Variants in AQR observed in about 807,000 individuals in gnomAD.
The protein encoded by AQR is aquarius intron-binding spliceosomal factor, also known as RNA helicase aquarius.
A neutral mutation model predicts 180.5 loss-of-function variants in AQR; 61 were observed. The observed-to-expected ratio is 0.34, with a 90% CI of 0.28 to 0.42. AQR has a LOEUF of 0.42. Among genes scored for constraint, AQR ranks in the 10% least tolerant of loss-of-function variants. The pLI, the probability that AQR is intolerant of heterozygous loss-of-function variation, is 1.00. For synonymous variants in AQR, 551 were observed against 588.8 expected (o/e 0.94, Z 0.93); for missense variants, 1,281 against 1,798.3 (o/e 0.71, Z 5.20).
intron 7 of AQR, among the ~76,000 whole-genome samples, chr15:34,941,703 C>CT (rs1894025250): frequency 6.6e-6 from 1 of 151,988 alleles, no homozygotes; most frequent in Non-Finnish European, 1.5e-5. Flanking sequence ...TATATATACT[C>CT]TAATCAAGGA....
chr15:34,912,986 A>G (rs1023274661), intron 16 of AQR, among the ~76,000 whole-genome samples: 4 of 152,208 alleles, frequency 2.6e-5, no homozygotes, highest in Non-Finnish European at 2.9e-5. Flanking sequence ...CTTAGTGGCT[A>G]AACCCTTGTG....
chr15:34,909,393 T>C (rs1893465464), intron 17 of AQR, among the ~76,000 whole-genome samples: 1 of 152,196 alleles, frequency 6.6e-6, no homozygotes, highest in Non-Finnish European at 1.5e-5. Context: ...TTAGTAATTT[T>C]GAACATATCT....
chr15:34,961,753 CTT>C (rs945592419), intron 2 of AQR, among the ~76,000 whole-genome samples: 12 of 150,476 alleles, frequency 8.0e-5, no homozygotes, highest in African/African-American at 2.7e-4. Context: ...GGCTGGAACT[CTT>C]AGGCAAGTGC....
chr15:34,918,811 T>C (rs1893638248), intron 14 of AQR, among the ~76,000 whole-genome samples: 1 of 152,212 alleles, frequency 6.6e-6, no homozygotes, highest in African/African-American at 2.4e-5. Flanking sequence ...TGGACTATAG[T>C]TTTCATTCTT....
chr15:34,955,938 CAA>C (rs1351909861), intron 3 of AQR, among the ~76,000 whole-genome samples: 1 of 149,860 alleles, frequency 6.7e-6, no homozygotes, highest in Non-Finnish European at 1.5e-5. Context: ...AAGCCAGCCA[CAA>C]AAGAGTACAT....
intron 4 of AQR, 122 bp from the exon 5 acceptor site, chr15:34,948,506 A>G (rs1894163042): frequency 7.8e-7 from 1 of 1,290,290 alleles, no homozygotes; most frequent in Admixed American, 2.5e-5. Flanking sequence ...ATCTCTATTT[A>G]TAACTTGGAA....
intron 23 of AQR, 71 bp from the exon 24 acceptor site, chr15:34,890,395 A>G: frequency 7.8e-7 from 1 of 1,278,170 alleles, no homozygotes; most frequent in Non-Finnish European, 1.1e-6. Context: ...AAAGAATCAA[A>G]GTTGAAACAC....
Position 34,856,968 on chromosome 15 carries a change from G to T in AQR, c.4282C>A (p.Gln1428Lys). The T allele has an allele frequency of 6.2e-7, 1 of 1,614,142 alleles. No individual in the cohort carries two copies. The highest frequency in any genetic ancestry group is 8.5e-7 in the Non-Finnish European group (1 of 1,180,020). The change falls in exon 35 of 35, where the codon CAA becomes AAA. Residue 1428 changes from glutamine to lysine, a missense_variant. Gln to Lys is a moderately conservative substitution (Grantham distance 53, BLOSUM62 1). Transcript: ENST00000156471. ...TCAGTTTGAAAGGCTGGAGTTTCTT[G>T]ACGGCAGCTGGTGTCTGTTGGACTG... Reference protein sequence around the residue: ...IPSPTDTSCRQETPAFQTDTT... With the variant: ...IPSPTDTSCRKETPAFQTDTT...
At chr15:34,964,412 A>G (rs2050298726) in intron 1 of AQR, 122 bp from the exon 2 acceptor site, 2 of 827,894 alleles carry the variant, frequency 2.4e-6, no homozygotes, top group Non-Finnish European at 4.1e-6. Flanking sequence ...GGGACAGAGT[A>G]TATCTGAAGG....
At chr15:34,863,101 T>C in intron 32 of AQR, 60 bp from the exon 33 acceptor site, 1 of 1,483,922 alleles carries the variant, frequency 6.7e-7, no homozygotes, top group African/African-American at 1.4e-5. Flanking sequence ...TAAGCAGCTT[T>C]TTTTTTTTTC....
chr15:34,908,722 G>T (rs946611894), intron 17 of AQR, among the ~76,000 whole-genome samples: 2 of 152,190 alleles, frequency 1.3e-5, no homozygotes, highest in African/African-American at 4.8e-5. Context: ...AGTAATGGGG[G>T]AAGTGGCCTG....
At chr15:34,882,790 C>T (rs759217628) in intron 26 of AQR, 151 bp from the exon 27 acceptor site, 35 of 752,776 alleles carry the variant, frequency 4.6e-5, no homozygotes, top group Admixed American at 2.3e-4. Context: ...ATTATGATTT[C>T]GGTACTAATT....
chr15:34,879,634 T>G (rs1429207606), intron 27 of AQR, among the ~76,000 whole-genome samples: 1 of 152,010 alleles, frequency 6.6e-6, no homozygotes, highest in African/African-American at 2.4e-5. Flanking sequence ...AAAAACCTGG[T>G]GTTAGAGTAT....
chr15:34,937,447 T>C (rs956306041), intron 9 of AQR, among the ~76,000 whole-genome samples: 1 of 152,236 alleles, frequency 6.6e-6, no homozygotes, highest in Admixed American at 6.5e-5. Flanking sequence ...TGTAAAATAT[T>C]ACTTGGAGGG....
chr15:34,912,264 A>G (rs145020114), intron 16 of AQR, among the ~76,000 whole-genome samples: 4 of 152,042 alleles, frequency 2.6e-5, no homozygotes, highest in African/African-American at 9.7e-5. Context: ...GGGTCTCTTC[A>G]TGTTACAAAT....
intron 10 of AQR, among the ~76,000 whole-genome samples, chr15:34,933,940 G>A (rs1893904289): frequency 6.6e-6 from 1 of 152,112 alleles, no homozygotes; most frequent in Non-Finnish European, 1.5e-5. Context: ...GGGAAATATG[G>A]TGAAACCCCG....
chr15:34,912,865 T>C (rs1433166128), intron 16 of AQR, among the ~76,000 whole-genome samples: 1 of 152,146 alleles, frequency 6.6e-6, no homozygotes, highest in African/African-American at 2.4e-5. Flanking sequence ...AGACTTTATG[T>C]CACAACAAAA....
chr15:34,855,420 A>G lies in AQR; in HGVS notation c.*1372T>C. On this transcript the variant is annotated 3_prime_UTR_variant, in exon 35 of 35. Coordinates refer to ENST00000156471, the MANE Select transcript of AQR (RefSeq NM_014691.3). ...CATAGGTGGATGCACTAGAGGAGAC[A>G]TTCTGGGGTAAATGCTCCCCTCCCC... 6.6e-6 allele frequency: 1 copy of G among 152,204 alleles called. No homozygotes were observed. The allele number at this position is 152,204 out of a possible 1,614,324, so 9.4% of individuals were successfully genotyped here.
chr15:34,926,706 C>T (rs994054733), intron 13 of AQR, among the ~76,000 whole-genome samples: 6 of 152,194 alleles, frequency 3.9e-5, no homozygotes, highest in African/African-American at 1.4e-4. Context: ...AGTCACACCT[C>T]TAATATCACA....
Sources: gnomAD v4.1 joint callset for allele counts (sites outside exome capture counted in the v4.1 genomes callset) on GRCh38, gnomAD v4.1.1 for gene constraint, MANE v1.5 for transcripts, NCBI Gene and HGNC (gene_info 2026-07-23, HGNC 2026-07-21) for gene names.